DEPTOR: variants seen among roughly 807,000 people sequenced by gnomAD.
The protein encoded by DEPTOR is DEP domain containing MTOR interacting protein.
DEPTOR carries 41 observed loss-of-function variants against 41.6 expected under a neutral mutation model. The observed-to-expected ratio is 0.98, with a 90% CI of 0.77 to 1.28. The LOEUF (loss-of-function observed/expected upper bound fraction) is 1.28. Among genes scored for constraint, DEPTOR ranks in the 50% most tolerant of loss-of-function variants. The pLI is 0.00. For synonymous variants in DEPTOR, 195 were observed against 192.3 expected, an observed-to-expected ratio of 1.01 and a Z score of -0.12; for missense variants, 514 against 527.9, an observed-to-expected ratio of 0.97 and a Z score of 0.26.
At chr8:119,900,980 AAGTAAAATTGCTTTTAGTT>A (rs1827582951) in intron 1 of DEPTOR, among the ~76,000 whole-genome samples, 1 of 152,180 alleles carries the variant, frequency 6.6e-6, no homozygotes, top group Non-Finnish European at 1.5e-5. Flanking sequence ...CCCTAGTGGA[AAGTAAAATTGCTTTTAGTT>A]TCAAAGCATT....
intron 8 of DEPTOR, among the ~76,000 whole-genome samples, chr8:120,047,102 C>A (rs1260018857): frequency 1.3e-5 from 2 of 152,176 alleles, no homozygotes; most frequent in Non-Finnish European, 2.9e-5. Flanking sequence ...CGGCCCACTG[C>A]AACCTCTGCC....
chr8:120,031,331 G>A (rs1410900442), intron 8 of DEPTOR, among the ~76,000 whole-genome samples: 3 of 152,080 alleles, frequency 2.0e-5, no homozygotes, highest in African/African-American at 7.2e-5. Flanking sequence ...CAAGTGTGGT[G>A]GTGTGCACCT....
In DEPTOR at chr8:120,030,497, GTTTTTTTTTT is replaced by G. The variant is rs1171655489; in HGVS notation, c.1102-19060_1102-19051del. Reference sequence around the variant, plus strand: ...AATGATGTATTGTGTAGGTTCATCAGTTTTTTTTTTTTTTTTTTTTTTTTTTTTAGCTGGA... The same window carrying G: ...AATGATGTATTGTGTAGGTTCATCAGTTTTTTTTTTTTTTTTTTAGCTGGA... On this transcript the variant is annotated intron_variant, in intron 8 of 8. Coordinates refer to ENST00000286234, the MANE Select transcript of DEPTOR (RefSeq NM_022783.4). Among the ~76,000 whole-genome samples, 13 of 46,192 alleles carry G rather than the reference GTTTTTTTTTT, an allele frequency of 2.8e-4. 1 individual carries two copies. The highest frequency in any genetic ancestry group is 2.4e-3 in the South Asian group (2 of 826). 30.3% of individuals were successfully genotyped at this position (46,192 alleles called of 152,430 possible).
At chr8:119,981,871 T>C (rs1035887490) in intron 4 of DEPTOR, among the ~76,000 whole-genome samples, 1 of 151,450 alleles carries the variant, frequency 6.6e-6, no homozygotes, top group Non-Finnish European at 1.5e-5. Context: ...AAAAATTAGC[T>C]GGGAGTGGTG....
chr8:119,894,384 T>TCTTATTTATTTATTTATTTA (rs373518691), intron 1 of DEPTOR, among the ~76,000 whole-genome samples: 3 of 46,414 alleles, frequency 6.5e-5, no homozygotes, highest in African/African-American at 1.4e-4. Context: ...AATAGTTCTT[T>TCTTATTTATTTATTTATTTA]TTTATTTATT....
chr8:120,005,916 G>T (rs796257611), intron 6 of DEPTOR, among the ~76,000 whole-genome samples: 8 of 152,220 alleles, frequency 5.3e-5, no homozygotes, highest in African/African-American at 1.9e-4. Flanking sequence ...TTGCTTGCAG[G>T]ACAGCATGGC....
In DEPTOR at chr8:120,044,071, C is replaced by CA. The variant is rs371815554; in HGVS notation, c.1102-5493dup. On this transcript the variant is annotated intron_variant, in intron 8 of 8. Transcript: ENST00000286234. ...CAGTGACAGAAATCAGCTAGCCTAA[C>CA]AAAAAAAAAAAAGAAAAAAGAAATT... Among the ~76,000 whole-genome samples, 552 of 90,186 alleles carry CA rather than the reference C, an allele frequency of 6.1e-3. 5 individuals are homozygous for CA. Among genetic ancestry groups the CA allele is most frequent in the South Asian group, 0.019 (64 of 3,442 alleles). 59.2% of individuals were successfully genotyped at this position (90,186 alleles called of 152,430 possible). A position where few individuals can be genotyped will look rare whatever the true frequency, so the allele number is the denominator to read the frequency against.
intron 1 of DEPTOR, among the ~76,000 whole-genome samples, chr8:119,898,492 G>C (rs1827548230): frequency 6.6e-6 from 1 of 152,164 alleles, no homozygotes; most frequent in Non-Finnish European, 1.5e-5. Context: ...GGGAGGCCAA[G>C]AAGGGCAGAT....
intron 2 of DEPTOR, among the ~76,000 whole-genome samples, chr8:119,929,251 C>A (rs1828009213): frequency 1.3e-5 from 2 of 152,092 alleles, no homozygotes; most frequent in Admixed American, 1.3e-4. Flanking sequence ...TCTTGGAATA[C>A]CCTTTCGCCT....
chr8:119,885,616 C>A (rs1356329353), intron 1 of DEPTOR, among the ~76,000 whole-genome samples: 1 of 152,192 alleles, frequency 6.6e-6, no homozygotes, highest in Non-Finnish European at 1.5e-5. Context: ...TCTTGTTATA[C>A]TTGAAGAGCC....
At chr8:120,038,767 C>G (rs1191971932) in intron 8 of DEPTOR, among the ~76,000 whole-genome samples, 1 of 152,060 alleles carries the variant, frequency 6.6e-6, no homozygotes, top group East Asian at 1.9e-4. Context: ...CTTAAGTGTA[C>G]AAGTTTCGAG....
chr8:119,929,907 G>A lies in DEPTOR; in HGVS notation c.394G>A (p.Ala132Thr). ...CTTCCCATTGGATAATGAAGTGAAGGCCTTTATGAGAGGACAGAGGCTATA... is the reference window on the plus strand; with the variant it reads ...CTTCCCATTGGATAATGAAGTGAAGACCTTTATGAGAGGACAGAGGCTATA... The part of the protein sequence containing the change: ...GTFPLDNEVK[A>T]FMRGQRLYEK... Residue 132 changes from alanine to threonine, a missense_variant, in exon 3 of 9, where the codon GCC becomes ACC. Ala to Thr is a moderately conservative substitution (Grantham distance 58). Transcript: ENST00000286234. 6.2e-7 allele frequency: 1 copy of A among 1,613,696 alleles called. No homozygotes were observed. Among genetic ancestry groups the A allele is most frequent in the South Asian group, 1.1e-5 (1 of 91,042 alleles).
chr8:120,045,655 G>A (rs769472557), intron 8 of DEPTOR, among the ~76,000 whole-genome samples: 9 of 152,298 alleles, frequency 5.9e-5, no homozygotes, highest in South Asian at 2.1e-4. Context: ...GATTGCAGAC[G>A]TGAGCCACTG....
At chr8:119,913,654 C>T (rs1365988252) in intron 1 of DEPTOR, among the ~76,000 whole-genome samples, 2 of 152,098 alleles carry the variant, frequency 1.3e-5, no homozygotes, top group Non-Finnish European at 1.5e-5. Context: ...ATCAGGGTGT[C>T]CATAAAAACC....
At chr8:119,947,237 G>A (rs942275119) in intron 3 of DEPTOR, among the ~76,000 whole-genome samples, 15 of 152,200 alleles carry the variant, frequency 9.9e-5, no homozygotes, top group African/African-American at 2.9e-4. Flanking sequence ...AAGAAAGGGG[G>A]ACAAGGTAAT....
chr8:119,901,969 G>A lies in DEPTOR; in HGVS notation c.123-26431G>A, dbSNP rs534778238. 2.1e-3 allele frequency among the ~76,000 whole-genome samples: 284 copies of A among 136,306 alleles called. 1 individual carries two copies. The highest frequency in any genetic ancestry group is 6.6e-3 in the African/African-American group (243 of 36,672). 89.4% of individuals were successfully genotyped at this position (136,306 alleles called of 152,430 possible). On this transcript the variant is annotated intron_variant, in intron 1 of 8. Coordinates refer to ENST00000286234, the MANE Select transcript of DEPTOR (RefSeq NM_022783.4). ...TTTTCCTTTTCTTGATTTTATTTTT[G>A]TGCTAAGTGTCTGTGATACATATTA...
chr8:119,980,130 A>G (rs546903575), intron 4 of DEPTOR, among the ~76,000 whole-genome samples: 109 of 151,728 alleles, frequency 7.2e-4, no homozygotes, highest in Non-Finnish European at 1.2e-3. Context: ...CAATCTACAT[A>G]TGTGATTTTA....
chr8:119,964,515 C>CAA (rs536731714), intron 3 of DEPTOR, among the ~76,000 whole-genome samples: 1,903 of 121,002 alleles, frequency 0.016, 58 homozygotes, highest in Non-Finnish European at 0.019. Flanking sequence ...AAGCCCGTCT[C>CAA]AAAAAAAAAA....
At chr8:119,884,201 G>A (rs1222035644) in intron 1 of DEPTOR, among the ~76,000 whole-genome samples, 2 of 152,158 alleles carry the variant, frequency 1.3e-5, no homozygotes, top group Non-Finnish European at 2.9e-5. Context: ...GGGACTACAG[G>A]CAGGCACCAC....
Sources: gnomAD v4.1 joint callset for allele counts (sites outside exome capture counted in the v4.1 genomes callset) on GRCh38, gnomAD v4.1.1 for gene constraint, MANE v1.5 for transcripts, NCBI Gene and HGNC (gene_info 2026-07-23, HGNC 2026-07-21) for gene names.